The following SLC39A11 variants were observed in gnomAD, a reference collection of about 807,000 sequenced individuals.
SLC39A11 encodes the protein solute carrier family 39 member 11.
A neutral mutation model predicts 36.1 loss-of-function variants in SLC39A11; 33 were observed. That is an observed-to-expected ratio of 0.91 (90% CI 0.69 to 1.22). SLC39A11 has a LOEUF of 1.22. Among genes scored for constraint, SLC39A11 ranks in the 50% most tolerant of loss-of-function variants. The pLI is 0.00. For synonymous variants in SLC39A11, 166 were observed against 170.3 expected (o/e 0.97, Z 0.20); for missense variants, 432 against 430.3 (o/e 1.00, Z -0.03).
intron 5 of SLC39A11, among the ~76,000 whole-genome samples, chr17:72,862,957 C>G (rs1355514333): frequency 6.6e-6 from 1 of 152,138 alleles, no homozygotes; most frequent in Non-Finnish European, 1.5e-5. Context: ...AAACACAAAA[C>G]AAACGACAAG....
intron 4 of SLC39A11, among the ~76,000 whole-genome samples, chr17:73,028,148 T>G (rs866841736): frequency 6.6e-6 from 1 of 152,170 alleles, no homozygotes; most frequent in Non-Finnish European, 1.5e-5. Context: ...GGAACTGAAA[T>G]GATCTGGGGC....
intron 7 of SLC39A11, among the ~76,000 whole-genome samples, chr17:72,709,161 A>C (rs532282348): frequency 6.6e-6 from 1 of 152,266 alleles, no homozygotes; most frequent in East Asian, 1.9e-4. Flanking sequence ...GATCGTCTCA[A>C]TCTTCTGACC....
intron 7 of SLC39A11, among the ~76,000 whole-genome samples, chr17:72,676,432 A>T (rs2071265132): frequency 6.6e-6 from 1 of 152,136 alleles, no homozygotes; most frequent in Admixed American, 6.5e-5. Context: ...ACAACATTTC[A>T]ATATGGTACC....
rs80002019 is a variant in SLC39A11, at chr17:72,898,161, G to A, written c.431-48357C>T. ...ATCTGGCAATTTGGGGGCCACCTCA[G>A]TAAGACCAGTTCCAGTGGACAGATG... On this transcript the variant is annotated intron_variant, in intron 5 of 9. Coordinates refer to ENST00000255559, the MANE Select transcript of SLC39A11 (RefSeq NM_139177.4). Among the ~76,000 whole-genome samples the A allele has an allele frequency of 6.9e-3, 1,045 of 152,302 alleles. 11 individuals carry two copies. The highest frequency in any genetic ancestry group is 0.024 in the African/African-American group (1,008 of 41,560).
chr17:72,934,109 T>TA (rs1195698089), intron 5 of SLC39A11, among the ~76,000 whole-genome samples: 2 of 151,230 alleles, frequency 1.3e-5, no homozygotes, highest in Non-Finnish European at 2.9e-5. Context: ...GACTTAAATG[T>TA]AAAACGTAAA....
chr17:72,852,967 T>G (rs2079437150), intron 5 of SLC39A11, among the ~76,000 whole-genome samples: 1 of 151,952 alleles, frequency 6.6e-6, no homozygotes, highest in Non-Finnish European at 1.5e-5. Flanking sequence ...CCAGTGAGAG[T>G]TGATAGGGGC....
chr17:72,730,301 T>C (rs776216913), intron 7 of SLC39A11, among the ~76,000 whole-genome samples: 3 of 152,218 alleles, frequency 2.0e-5, no homozygotes, highest in Non-Finnish European at 4.4e-5. Flanking sequence ...TCTGGTACAT[T>C]ACTTCCCCTT....
rs1042692405 is a variant in SLC39A11, at chr17:73,092,605, A to C, written c.-12+6T>G. 3.9e-5 allele frequency: 6 copies of C among 152,664 alleles called. No homozygotes were observed. The highest frequency in any genetic ancestry group is 1.5e-4 in the African/African-American group (6 of 41,374). The allele number at this position is 152,664 out of a possible 1,614,324, so 9.5% of individuals were successfully genotyped here. A position where few individuals can be genotyped will look rare whatever the true frequency, so the allele number is the denominator to read the frequency against. On this transcript the variant is annotated splice_donor_region_variant and intron_variant, in intron 1 of 9. Transcript: ENST00000255559. ...AAGGCACCGAAGGAGAGAAAAGCCA[A>C]CTCACTAGGGTGCCCTCTCCAGCCC...
intron 4 of SLC39A11, among the ~76,000 whole-genome samples, chr17:73,022,026 C>T (rs931393747): frequency 6.6e-6 from 1 of 152,230 alleles, no homozygotes; most frequent in African/African-American, 2.4e-5. Flanking sequence ...GGTTTCTGAA[C>T]CCTGGTCAAA....
chr17:72,958,693 A>T (rs1036810441), intron 4 of SLC39A11, among the ~76,000 whole-genome samples: 1 of 152,120 alleles, frequency 6.6e-6, no homozygotes, highest in Non-Finnish European at 1.5e-5. Context: ...TCTACTAAAA[A>T]TACAAAAATT....
At chr17:72,761,607 T>C (rs2075579598) in intron 6 of SLC39A11, among the ~76,000 whole-genome samples, 3 of 152,184 alleles carry the variant, frequency 2.0e-5, no homozygotes, top group Non-Finnish European at 4.4e-5. Flanking sequence ...ATGTCTGCAT[T>C]TGAAAGATAA....
At chr17:72,858,132 C>A (rs543021224) in intron 5 of SLC39A11, among the ~76,000 whole-genome samples, 6 of 152,232 alleles carry the variant, frequency 3.9e-5, no homozygotes, top group African/African-American at 1.2e-4. Flanking sequence ...GTCTTGAATC[C>A]ATCTTGAGTT....
chr17:73,047,990 A>AAAAAAAATATAT (rs1555693446), intron 3 of SLC39A11, among the ~76,000 whole-genome samples: 3 of 58,700 alleles, frequency 5.1e-5, no homozygotes, highest in African/African-American at 6.6e-5. Context: ...AAAAAAAAAA[A>AAAAAAAATATAT]ATATATATAT....
chr17:72,870,319 G>C (rs1319661176), intron 5 of SLC39A11, among the ~76,000 whole-genome samples: 2 of 2,130 alleles, frequency 9.4e-4, no homozygotes, highest in African/African-American at 0.011. Flanking sequence ...GAACATCCCA[G>C]ATTTAGGTAT....
chr17:72,806,271 C>T (rs1229391469), intron 6 of SLC39A11, among the ~76,000 whole-genome samples: 4 of 152,136 alleles, frequency 2.6e-5, no homozygotes, highest in Non-Finnish European at 4.4e-5. Flanking sequence ...AGTCTGAAAA[C>T]ATCTTTATTC....
intron 3 of SLC39A11, among the ~76,000 whole-genome samples, chr17:73,074,318 G>C (rs1214692223): frequency 8.5e-6 from 1 of 117,884 alleles, no homozygotes; most frequent in Non-Finnish European, 1.7e-5. Context: ...CCCGCCCCAA[G>C]ACAGAGTCTT....
intron 6 of SLC39A11, among the ~76,000 whole-genome samples, chr17:72,810,142 T>G (rs2077389856): frequency 6.6e-6 from 1 of 151,042 alleles, no homozygotes; most frequent in Non-Finnish European, 1.5e-5. Flanking sequence ...AATACTTGAA[T>G]ACTCTCTTAA....
chr17:72,770,725 A>G (rs1194012798), intron 6 of SLC39A11, among the ~76,000 whole-genome samples: 1 of 152,240 alleles, frequency 6.6e-6, no homozygotes, highest in East Asian at 1.9e-4. Context: ...AACATGCCCA[A>G]TAAATGCACT....
At chr17:72,747,951 A>G (rs529763526) in intron 6 of SLC39A11, among the ~76,000 whole-genome samples, 1 of 152,332 alleles carries the variant, frequency 6.6e-6, no homozygotes, top group East Asian at 1.9e-4. Flanking sequence ...TAATCCTGCT[A>G]TTTATATTGG....
Sources: gnomAD v4.1 joint callset for allele counts (sites outside exome capture counted in the v4.1 genomes callset) on GRCh38, gnomAD v4.1.1 for gene constraint, MANE v1.5 for transcripts, NCBI Gene and HGNC (gene_info 2026-07-23, HGNC 2026-07-21) for gene names.